Variants in DHX16 observed in about 807,000 individuals in gnomAD.
The protein encoded by DHX16 is DEAH-box helicase 16, also known as pre-mRNA-splicing factor ATP-dependent RNA helicase DHX16.
Under a neutral mutation model 131.2 loss-of-function variants are expected in DHX16, and 81 were observed. The observed-to-expected ratio is 0.62, with a 90% confidence interval of 0.52 to 0.74. The LOEUF (loss-of-function observed/expected upper bound fraction) is 0.74, where lower values mean the gene tolerates loss of function less well. Among genes scored for constraint, DHX16 ranks in the 30% least tolerant of loss-of-function variants. The probability of loss-of-function intolerance (pLI) is 0.00; values close to 1 mark genes in which losing one functional copy is unlikely to be tolerated. For synonymous variants in DHX16, 440 were observed against 520.2 expected (o/e 0.85, Z 2.10); for missense variants, 980 against 1,363.1 (o/e 0.72, Z 4.43).
chr6:30,656,875 C>T lies in DHX16; in HGVS notation c.2148+77G>A. On this transcript the variant is annotated intron_variant, in intron 13 of 19. Transcript: ENST00000376442. The surrounding 1 kb of genome is among the most constrained non-coding windows in gnomAD (Gnocchi z 5.1). ...TGCTCATCCCGGTTCCCTAGGAAGCCCCCACCCTGCTTCTGAGTTGGACCT... is the reference window on the plus strand; with the variant it reads ...TGCTCATCCCGGTTCCCTAGGAAGCTCCCACCCTGCTTCTGAGTTGGACCT... The T allele has an allele frequency of 1.3e-6, 2 of 1,588,146 alleles. No individual in the cohort carries two copies. The highest frequency in any genetic ancestry group is 2.2e-5 in the East Asian group (1 of 44,626).
At position 30,664,819 on chromosome 6, in the gene DHX16, C is replaced by G; in HGVS notation, c.1299G>C (p.Pro433=). ...ETGSGKTTQI[P]QYLFEEGYTN... ...ACTGTACCTCCTCAAAGAGATACTG[C>G]GGGATCTGGGTGGTCTTCCCTGAGC... Residue 433 remains proline (P), a synonymous_variant, in exon 7 of 20, where the codon CCG becomes CCC. Transcript: ENST00000376442. The G allele has an allele frequency of 6.2e-7, 1 of 1,612,710 alleles. No individual in the cohort carries two copies. The highest frequency in any genetic ancestry group is 1.7e-4 in the Middle Eastern group (1 of 6,060).
chr6:30,660,268 A>G, intron 9 of DHX16, 26 bp from the exon 10 acceptor site: 1 of 1,510,576 alleles, frequency 6.6e-7, no homozygotes, highest in Non-Finnish European at 8.9e-7. Context: ...GAGAGCAATG[A>G]GGGAAGAGCG....
intron 1 of DHX16, among the ~76,000 whole-genome samples, chr6:30,671,881 C>A (rs1268156501): frequency 6.6e-6 from 1 of 151,424 alleles, no homozygotes; most frequent in Non-Finnish European, 1.5e-5. Flanking sequence ...GAAGGTTTCG[C>A]CATGTTGCCC....
intron 12 of DHX16, 99 bp from the exon 13 acceptor site, chr6:30,657,191 AG>A (rs1221807306): frequency 1.6e-6 from 2 of 1,265,498 alleles, no homozygotes; most frequent in Non-Finnish European, 2.2e-6. Context: ...AGTTGCAGTA[AG>A]GGGCAGGAGC....
chr6:30,665,557 C>G lies in DHX16; in HGVS notation c.843G>C (p.Arg281=). Residue 281 remains arginine (R), a synonymous_variant, in exon 5 of 20, where the codon CGG becomes CGC. Coordinates refer to ENST00000376442, the MANE Select transcript of DHX16 (RefSeq NM_003587.5). The surrounding 1 kb of genome is among the most constrained non-coding windows in gnomAD (Gnocchi z 4.8). ...KYKRRVRDLA[R]EYRAAGEQEK... ...CCTGCTCCCCAGCTGCCCGGTACTC[C>G]CGGGCGAGATCCCGCACTCGCCGCT... The G allele has an allele frequency of 1.2e-6, 2 of 1,613,098 alleles. No individual in the cohort carries two copies.
intron 12 of DHX16, among the ~76,000 whole-genome samples, chr6:30,658,191 G>C (rs1425305991): frequency 6.6e-6 from 1 of 152,188 alleles, no homozygotes; most frequent in East Asian, 1.9e-4. Context: ...GATCACTTGA[G>C]TCCAGGAGTT....
intron 19 of DHX16, 42 bp downstream of exon 19, chr6:30,654,664 T>C: frequency 6.4e-7 from 1 of 1,571,276 alleles, no homozygotes; most frequent in Non-Finnish European, 8.6e-7. Flanking sequence ...ACCATCTCTC[T>C]ACATAGTCTC....
At position 30,672,903 on chromosome 6, in the gene DHX16, C is replaced by A; in HGVS notation, c.-62G>T. The A allele has an allele frequency of 1.3e-6, 2 of 1,598,814 alleles. No individual in the cohort carries two copies. Among genetic ancestry groups the A allele is most frequent in the South Asian group, 2.2e-5 (2 of 89,474 alleles). On this transcript the variant is annotated 5_prime_UTR_variant, in exon 1 of 20. Coordinates refer to ENST00000376442, the MANE Select transcript of DHX16 (RefSeq NM_003587.5). ...CGGGCAGCCGCGCTCACTGCTGGGC[C>A]GGTCAGAGGCCTGGAGCCCTCGGCT...
At position 30,653,386 on chromosome 6, in the gene DHX16, G is replaced by A; in HGVS notation, c.2998-16C>T. The A allele has an allele frequency of 6.3e-7, 1 of 1,581,736 alleles. No homozygotes were observed. Among genetic ancestry groups the A allele is most frequent in the Non-Finnish European group, 8.5e-7 (1 of 1,170,138 alleles). On this transcript the variant is annotated splice_polypyrimidine_tract_variant and intron_variant, in intron 19 of 19. Coordinates refer to ENST00000376442, the MANE Select transcript of DHX16 (RefSeq NM_003587.5). The stretch of plus-strand genomic sequence containing the variant: ...TCTCCAGTACCTAGGAGAGAGAAAA[G>A]ATCAATGGAGTTCCCTTCTTTCCAA...
intron 12 of DHX16, among the ~76,000 whole-genome samples, chr6:30,658,071 T>C (rs1398629072): frequency 6.6e-6 from 1 of 152,246 alleles, no homozygotes; most frequent in African/African-American, 2.4e-5. Context: ...ATGAAAGTTA[T>C]ATCTCTGCTC....
At chr6:30,657,203 T>G (rs912760612) in intron 12 of DHX16, 111 bp from the exon 13 acceptor site, 1 of 1,130,962 alleles carries the variant, frequency 8.8e-7, no homozygotes, top group African/African-American at 1.6e-5. Flanking sequence ...GGGCAGGAGC[T>G]GAGGGAATTA....
At chr6:30,653,430 GTTA>G (rs1257832475) in intron 19 of DHX16, 60 bp from the exon 20 acceptor site, 1 of 1,531,626 alleles carries the variant, frequency 6.5e-7, no homozygotes, top group Non-Finnish European at 8.8e-7. Context: ...TTTTGTTGTT[GTTA>G]TTTTTTTTTC....
intron 19 of DHX16, among the ~76,000 whole-genome samples, chr6:30,653,908 T>A (rs1284698732): frequency 6.7e-6 from 1 of 150,038 alleles, no homozygotes; most frequent in African/African-American, 2.5e-5. Context: ...GATCATGAGG[T>A]CAGGAGTTCG....
In DHX16 at chr6:30,660,082, CA is replaced by C; in HGVS notation, c.1704del (p.Val569CysfsTer28). ...ARFSTFFDDA[P>X]VFRIPGRRFP... is the part of the protein sequence containing the mutation. Reference sequence around the variant, plus strand: ...AACCTGCGTCCGGGGATTCGAAACACAGGGGCGTCATCAAAGAAGGTGGAAA... The same window carrying C: ...AACCTGCGTCCGGGGATTCGAAACACGGGGCGTCATCAAAGAAGGTGGAAA... On this transcript the variant is annotated frameshift_variant, in exon 10 of 20. Transcript: ENST00000376442. LOFTEE classifies it high-confidence loss of function. The C allele has an allele frequency of 6.2e-7, 1 of 1,612,854 alleles. No homozygotes were observed. The highest frequency in any genetic ancestry group is 8.5e-7 in the Non-Finnish European group (1 of 1,179,934).
chr6:30,665,799 C>G lies in DHX16; in HGVS notation c.667-66G>C. 1 of 1,544,428 alleles carries G rather than the reference C, an allele frequency of 6.5e-7. No individual in the cohort carries two copies. Among genetic ancestry groups the G allele is most frequent in the Non-Finnish European group, 8.7e-7 (1 of 1,152,296 alleles). ...GGAGCAACCCCTTTCTCTACCAATC[C>G]CTACAAGGGAAAAATCCCCTGACAG... On this transcript the variant is annotated intron_variant, in intron 4 of 19. Coordinates refer to ENST00000376442, the MANE Select transcript of DHX16 (RefSeq NM_003587.5). This position sits in a 1 kb window ranked among gnomAD's most constrained non-coding sequence, Gnocchi z 4.8.
chr6:30,667,009 A>G (rs1329325053), intron 4 of DHX16, among the ~76,000 whole-genome samples: 1 of 152,128 alleles, frequency 6.6e-6, no homozygotes, highest in Non-Finnish European at 1.5e-5. Flanking sequence ...GAGCCATTTG[A>G]GCATTAAAAA....
At chr6:30,655,824 A>C (rs1767929567) in intron 16 of DHX16, among the ~76,000 whole-genome samples, 1 of 152,222 alleles carries the variant, frequency 6.6e-6, no homozygotes, top group African/African-American at 2.4e-5. Context: ...CCATGGAGGC[A>C]GGAGCAGGAA....
rs1394659773 is a variant in DHX16, at chr6:30,670,757, T to C, written c.609+33A>G. On this transcript the variant is annotated intron_variant, in intron 3 of 19. Transcript: ENST00000376442. This position sits in a 1 kb window ranked among gnomAD's most constrained non-coding sequence, Gnocchi z 4.4. Reference sequence around the variant, plus strand: ...AACCTCAGATTTCACCCTGGGATCTTGGGGATTTACAGAACATGCTGCTCC... The same window carrying C: ...AACCTCAGATTTCACCCTGGGATCTCGGGGATTTACAGAACATGCTGCTCC... 6.2e-7 allele frequency: 1 copy of C among 1,611,120 alleles called. No homozygotes were observed. Among genetic ancestry groups the C allele is most frequent in the Non-Finnish European group, 8.5e-7 (1 of 1,179,284 alleles).
In DHX16 at chr6:30,672,970, G is replaced by A. The variant is rs746805704; in HGVS notation, c.-129C>T. 31 of 1,552,158 alleles carry A rather than the reference G, an allele frequency of 2.0e-5. No individual in the cohort carries two copies. The South Asian group carries it at 3.4e-4, about 17-fold the overall frequency. ...AAGTCAGCTACCTTGGGACCTCTAGGATCTTCCGACATCCCAAAGCTGTCT... is the reference window on the plus strand; with the variant it reads ...AAGTCAGCTACCTTGGGACCTCTAGAATCTTCCGACATCCCAAAGCTGTCT... On this transcript the variant is annotated 5_prime_UTR_variant, in exon 1 of 20. Coordinates refer to ENST00000376442, the MANE Select transcript of DHX16 (RefSeq NM_003587.5).
Sources: allele counts gnomAD v4.1 joint callset (sites outside exome capture counted in the v4.1 genomes callset), GRCh38; gene constraint gnomAD v4.1.1; non-coding constraint Gnocchi (gnomAD v3.1); transcripts MANE v1.5; gene names NCBI Gene and HGNC (gene_info 2026-07-23, HGNC 2026-07-21).